The following PCDHA7 variants were observed in gnomAD, a reference collection of about 807,000 sequenced individuals.
PCDHA7 encodes protocadherin alpha 7.
In PCDHA7, 37 loss-of-function variants were observed where a neutral mutation model predicts 57.2. That is an observed-to-expected ratio of 0.65 (90% confidence interval 0.50 to 0.85). PCDHA7 has a LOEUF of 0.85. PCDHA7 is among the 40% of genes least tolerant of loss of function. PCDHA7 has a pLI of 0.00. For missense variants in PCDHA7, 1,188 were observed against 1,241.8 expected, an observed-to-expected ratio of 0.96 and a Z score of 0.65; for synonymous variants, 553 against 558.8, an observed-to-expected ratio of 0.99 and a Z score of 0.15.
intron 3 of PCDHA7, among the ~76,000 whole-genome samples, chr5:140,989,670 C>G (rs907417768): frequency 6.6e-6 from 1 of 152,104 alleles, no homozygotes. Flanking sequence ...GAAACTCTGC[C>G]CAGATTTCAA....
At chr5:140,999,159 G>A (rs1056236953) in intron 3 of PCDHA7, among the ~76,000 whole-genome samples, 2 of 152,182 alleles carry the variant, frequency 1.3e-5, no homozygotes, top group African/African-American at 2.4e-5. Flanking sequence ...CAGTCCCCTA[G>A]AAGGAAAAGA....
At position 140,836,293 on chromosome 5, in the gene PCDHA7, T is replaced by C. The variant is rs2150257030; in HGVS notation, c.1910T>C (p.Leu637Pro). The C allele has an allele frequency of 1.2e-6, 2 of 1,613,634 alleles. No individual in the cohort carries two copies. Among genetic ancestry groups the C allele is most frequent in the African/African-American group, 2.7e-5 (2 of 74,842 alleles). ...GGTGAGATCAGCACGACACGAGCCC[T>C]AGATGAGACGGACGCACCGCGCCAC... ...YTGEISTTRA[L>P]DETDAPRHRL... The change falls in exon 1 of 4, where the codon CTA (leucine) becomes CCA (proline). Residue 637 changes from leucine (L) to proline (P), a missense_variant. Coordinates refer to ENST00000525929, the MANE Select transcript of PCDHA7 (RefSeq NM_018910.3).
At chr5:140,858,548 T>A in intron 1 of PCDHA7, 1 of 1,394,090 alleles carries the variant, frequency 7.2e-7, no homozygotes, top group African/African-American at 1.4e-5. Flanking sequence ...ATTCCATTTA[T>A]GCTTGAATAT....
intron 1 of PCDHA7, chr5:140,870,710 CGCGCGATGCGG>C (rs1554164626): frequency 1.2e-6 from 2 of 1,612,974 alleles, no homozygotes; most frequent in African/African-American, 2.7e-5. Context: ...CAGGTGAGCG[CGCGCGATGCGG>C]GCGTGCCGCC....
chr5:140,956,749 G>A (rs1179471294), intron 1 of PCDHA7, among the ~76,000 whole-genome samples: 5 of 152,144 alleles, frequency 3.3e-5, no homozygotes, highest in African/African-American at 1.2e-4. Context: ...ACCTCTGATA[G>A]AATTCAGCTG....
intron 1 of PCDHA7, among the ~76,000 whole-genome samples, chr5:140,898,095 T>C (rs1196262591): frequency 7.9e-5 from 12 of 152,170 alleles, no homozygotes; most frequent in Non-Finnish European, 1.6e-4. Flanking sequence ...ATTAGCCCTT[T>C]GTCAGATGAG....
intron 1 of PCDHA7, chr5:140,870,393 T>C (rs1554164195): frequency 1.5e-5 from 24 of 1,613,936 alleles, no homozygotes; most frequent in Non-Finnish European, 1.8e-5. Flanking sequence ...GGGATGGGGG[T>C]TCGCCTTCTC....
intron 1 of PCDHA7, among the ~76,000 whole-genome samples, chr5:140,935,149 T>C (rs1241997966): frequency 6.6e-6 from 1 of 152,192 alleles, no homozygotes; most frequent in Admixed American, 6.5e-5. Context: ...CTTAGAGATA[T>C]AATCTCAACA....
chr5:140,846,704 T>C (rs1263410748), intron 1 of PCDHA7, among the ~76,000 whole-genome samples: 4 of 149,392 alleles, frequency 2.7e-5, no homozygotes, highest in African/African-American at 9.8e-5. Flanking sequence ...TAGAGAAGAT[T>C]GTAATAACCA....
intron 1 of PCDHA7, chr5:140,877,909 C>A: frequency 6.3e-6 from 9 of 1,432,578 alleles, no homozygotes; most frequent in Non-Finnish European, 7.3e-6. Flanking sequence ...TAACTACATT[C>A]TCTCATTTTT....
chr5:140,931,430 A>G (rs1431087207), intron 1 of PCDHA7, among the ~76,000 whole-genome samples: 2 of 149,950 alleles, frequency 1.3e-5, no homozygotes, highest in Non-Finnish European at 3.0e-5. Flanking sequence ...AGTTAGAAGG[A>G]AAATTAGCTA....
chr5:140,923,396 T>C (rs2081343835), intron 1 of PCDHA7, among the ~76,000 whole-genome samples: 1 of 152,058 alleles, frequency 6.6e-6, no homozygotes, highest in Non-Finnish European at 1.5e-5. Context: ...GGCATGGTGG[T>C]GTGTGCCTAT....
At position 140,998,145 on chromosome 5, in the gene PCDHA7, A is replaced by G. The variant is rs115385085; in HGVS notation, c.2504-11482A>G. ...GAATCATAATAGCTAACCTGTACTG[A>G]ACAGTTAAGCCATGTGCCAAGTATT... On this transcript the variant is annotated intron_variant, in intron 3 of 3. Transcript: ENST00000525929. 2.1e-3 allele frequency among the ~76,000 whole-genome samples: 325 copies of G among 152,342 alleles called. 2 individuals carry two copies. Among genetic ancestry groups the G allele is most frequent in the African/African-American group, 7.1e-3 (294 of 41,566 alleles).
Position 140,923,530 on chromosome 5 carries a change from A to G in PCDHA7, c.2356-55419A>G, listed in dbSNP as rs115719485. On this transcript the variant is annotated intron_variant, in intron 1 of 3. Coordinates refer to ENST00000525929, the MANE Select transcript of PCDHA7 (RefSeq NM_018910.3). ...GATGATGAAGTGAGATTCTGTCCCAAAAAAAGGACAAAATGAAATATCAGC... is the reference window on the plus strand; with the variant it reads ...GATGATGAAGTGAGATTCTGTCCCAGAAAAAGGACAAAATGAAATATCAGC... Among the ~76,000 whole-genome samples, 836 of 152,264 alleles carry G rather than the reference A, an allele frequency of 5.5e-3. 5 individuals carry two copies. The highest frequency in any genetic ancestry group is 0.019 in the African/African-American group (794 of 41,534).
intron 1 of PCDHA7, chr5:140,863,137 G>GT (rs1309983213): frequency 1.7e-6 from 1 of 604,700 alleles, no homozygotes; most frequent in Admixed American, 1.9e-5. Context: ...CCGCCTGCTG[G>GT]TGCTGGTGAA....
In PCDHA7 at chr5:140,912,343, A is replaced by T. The variant is rs547543923; in HGVS notation, c.2356-66606A>T. Among the ~76,000 whole-genome samples, 324 of 143,902 alleles carry T rather than the reference A, an allele frequency of 2.3e-3. 1 individual carries two copies. The highest frequency in any genetic ancestry group is 7.8e-3 in the African/African-American group (308 of 39,358). 94.4% of individuals were successfully genotyped at this position (143,902 alleles called of 152,430 possible). A position where few individuals can be genotyped will look rare whatever the true frequency, so the allele number is the denominator to read the frequency against. On this transcript the variant is annotated intron_variant, in intron 1 of 3. Transcript: ENST00000525929. ...CTCAGTATTAACCAGTACACTAAGT[A>T]TTTTTTTTTTTTTTTGCAGCTGTTG... is the stretch of plus-strand genomic sequence containing the variant.
At chr5:140,976,884 A>T (rs1423993981) in intron 1 of PCDHA7, among the ~76,000 whole-genome samples, 1 of 152,232 alleles carries the variant, frequency 6.6e-6, no homozygotes, top group Non-Finnish European at 1.5e-5. Context: ...AAGAATTAGG[A>T]TACATGCAAC....
At chr5:140,907,391 A>G (rs1455875344) in intron 1 of PCDHA7, among the ~76,000 whole-genome samples, 2 of 152,214 alleles carry the variant, frequency 1.3e-5, no homozygotes, top group African/African-American at 2.4e-5. Context: ...GGTCAAAGGC[A>G]ATGCTGTGTG....
intron 1 of PCDHA7, chr5:140,869,579 A>T: frequency 8.1e-6 from 13 of 1,614,178 alleles, no homozygotes; most frequent in Non-Finnish European, 1.0e-5. Context: ...GGAGCTTCTG[A>T]TGCTGACATT....
Sources: gnomAD v4.1 joint callset for allele counts (sites outside exome capture counted in the v4.1 genomes callset) on GRCh38, gnomAD v4.1.1 for gene constraint, MANE v1.5 for transcripts, NCBI Gene and HGNC (gene_info 2026-07-23, HGNC 2026-07-21) for gene names.